Variants in KIF16B observed in about 807,000 individuals in gnomAD.
The protein encoded by KIF16B is kinesin family member 16B.
A neutral mutation model predicts 156.3 loss-of-function variants in KIF16B; 98 were observed. That is an observed-to-expected ratio of 0.63 (90% CI 0.53 to 0.74). The LOEUF is 0.74. Among genes scored for constraint, KIF16B ranks in the 30% least tolerant of loss-of-function variants. KIF16B has a pLI of 0.00. For missense variants in KIF16B, 1,421 were observed against 1,606.5 expected (o/e 0.88, Z 1.97); for synonymous variants, 564 against 583.7 (o/e 0.97, Z 0.49).
chr20:16,571,871 C>T (rs946549176), intron 1 of KIF16B, among the ~76,000 whole-genome samples: 2 of 152,186 alleles, frequency 1.3e-5, no homozygotes, highest in African/African-American at 4.8e-5. Context: ...CCTTGTGATC[C>T]GCCCGCCTCG....
At chr20:16,417,878 A>T (rs925112496) in intron 15 of KIF16B, among the ~76,000 whole-genome samples, 2 of 152,140 alleles carry the variant, frequency 1.3e-5, no homozygotes, top group Non-Finnish European at 2.9e-5. Flanking sequence ...ACAGAGCCTC[A>T]AGGAACTGTG....
At chr20:16,388,451 T>C (rs1478639393) in intron 17 of KIF16B, among the ~76,000 whole-genome samples, 2 of 152,226 alleles carry the variant, frequency 1.3e-5, no homozygotes, top group African/African-American at 4.8e-5. Context: ...TATGTGTAAT[T>C]CATTATCTTA....
intron 25 of KIF16B, among the ~76,000 whole-genome samples, chr20:16,283,832 C>T (rs2063183062): frequency 6.6e-6 from 1 of 152,152 alleles, no homozygotes; most frequent in Non-Finnish European, 1.5e-5. Flanking sequence ...GGAAGAACCA[C>T]TTCCAAACTC....
At chr20:16,337,458 G>A (rs1266551025) in intron 23 of KIF16B, among the ~76,000 whole-genome samples, 2 of 152,212 alleles carry the variant, frequency 1.3e-5, no homozygotes, top group South Asian at 2.1e-4. Context: ...TCATCATTCT[G>A]GTTCTGTACT....
chr20:16,409,820 T>C (rs1419635182), intron 15 of KIF16B, among the ~76,000 whole-genome samples: 3 of 150,186 alleles, frequency 2.0e-5, no homozygotes, highest in African/African-American at 7.4e-5. Context: ...CAAGATGGGG[T>C]GGGGAAAAAT....
At chr20:16,434,301 C>G (rs1357231177) in intron 12 of KIF16B, among the ~76,000 whole-genome samples, 2 of 152,160 alleles carry the variant, frequency 1.3e-5, no homozygotes, top group African/African-American at 2.4e-5. Context: ...GCCCAGATCT[C>G]GTGGGAAGAA....
chr20:16,363,171 T>G (rs2064584268), intron 22 of KIF16B, among the ~76,000 whole-genome samples: 1 of 152,212 alleles, frequency 6.6e-6, no homozygotes, highest in Admixed American at 6.5e-5. Context: ...AAAATACACT[T>G]GTTTTATTCT....
intron 1 of KIF16B, among the ~76,000 whole-genome samples, chr20:16,567,879 G>A (rs1391557570): frequency 6.6e-6 from 1 of 152,202 alleles, no homozygotes; most frequent in Non-Finnish European, 1.5e-5. Flanking sequence ...ATGAACCCGG[G>A]AGGCGGAGCT....
At chr20:16,387,355 G>C (rs1473630641) in intron 17 of KIF16B, among the ~76,000 whole-genome samples, 5 of 152,128 alleles carry the variant, frequency 3.3e-5, no homozygotes. Flanking sequence ...CTAGGTATAG[G>C]CTTAGGGTGG....
At chr20:16,549,055 T>C (rs1382701839) in intron 1 of KIF16B, among the ~76,000 whole-genome samples, 1 of 151,854 alleles carries the variant, frequency 6.6e-6, no homozygotes, top group South Asian at 2.1e-4. Context: ...TTTTTTTAAT[T>C]ATACTTTAAG....
At chr20:16,407,225 T>C (rs1399844527) in intron 15 of KIF16B, among the ~76,000 whole-genome samples, 1 of 152,152 alleles carries the variant, frequency 6.6e-6, no homozygotes, top group African/African-American at 2.4e-5. Flanking sequence ...CGGGCACAGG[T>C]GCCTGCAGGG....
Position 16,508,258 on chromosome 20 carries a change from G to C in KIF16B, c.557-158C>G, listed in dbSNP as rs961616411. ...GGGTGGTGGTATGTAATGCAGACCT[G>C]GGAGCTGGGTGGCTGGGGCCGAATC... On this transcript the variant is annotated intron_variant, in intron 6 of 25. Transcript: ENST00000354981. 3.3e-5 allele frequency among the ~76,000 whole-genome samples: 5 copies of C among 152,204 alleles called. No homozygotes were observed. In the South Asian group the frequency reaches 1.0e-3, roughly 32 times the overall value.
At chr20:16,479,258 GAAAACC>G (rs2067909291) in intron 12 of KIF16B, among the ~76,000 whole-genome samples, 1 of 152,112 alleles carries the variant, frequency 6.6e-6, no homozygotes, top group South Asian at 2.1e-4. Context: ...TGCAGGAACA[GAAAACC>G]AAATACTGCA....
In KIF16B at chr20:16,444,550, C is replaced by T. The variant is rs1247535835; in HGVS notation, c.1303-14568G>A. On this transcript the variant is annotated intron_variant, in intron 12 of 25. Coordinates refer to ENST00000354981, the MANE Select transcript of KIF16B (RefSeq NM_024704.5). ...CGTGGAGTACTTGCGACACAGGTGG[C>T]GCGGGCCAAGAAGAAGGAACTGATT... Among the ~76,000 whole-genome samples, 5 of 152,220 alleles carry T rather than the reference C, an allele frequency of 3.3e-5. No homozygotes were observed. In the East Asian group the frequency reaches 5.8e-4, roughly 18 times the overall value.
At chr20:16,356,236 T>G in intron 23 of KIF16B, 94 bp downstream of exon 23, 1 of 1,481,200 alleles carries the variant, frequency 6.8e-7, no homozygotes, top group Non-Finnish European at 9.4e-7. Flanking sequence ...GATATTCACA[T>G]GCAGCTTCAT....
intron 24 of KIF16B, among the ~76,000 whole-genome samples, chr20:16,319,749 C>G (rs1267195039): frequency 6.6e-6 from 1 of 152,154 alleles, no homozygotes; most frequent in East Asian, 1.9e-4. Flanking sequence ...TCCAGGAGCC[C>G]CACCAGGTTC....
chr20:16,381,658 A>G (rs1600250684), intron 18 of KIF16B, 36 bp downstream of exon 18: 2 of 1,540,554 alleles, frequency 1.3e-6, no homozygotes, highest in East Asian at 2.3e-5. Context: ...AATCCAGACT[A>G]CAGGAGTGTT....
intron 24 of KIF16B, among the ~76,000 whole-genome samples, chr20:16,324,694 C>A (rs1250913041): frequency 2.0e-5 from 3 of 151,754 alleles, no homozygotes; most frequent in Admixed American, 2.0e-4. Context: ...GAAAAATCAA[C>A]CCGCAGCTGA....
At chr20:16,314,894 A>G (rs796425138) in intron 24 of KIF16B, among the ~76,000 whole-genome samples, 21 of 152,218 alleles carry the variant, frequency 1.4e-4, no homozygotes, top group African/African-American at 4.8e-4. Flanking sequence ...CAGGTACAAG[A>G]AGAGCTCATC....
Sources: allele counts gnomAD v4.1 joint callset (sites outside exome capture counted in the v4.1 genomes callset), GRCh38; gene constraint gnomAD v4.1.1; transcripts MANE v1.5; gene names NCBI Gene and HGNC (gene_info 2026-07-23, HGNC 2026-07-21).